GPC5: variants seen among roughly 807,000 people sequenced by gnomAD.
GPC5 encodes glypican 5, also known as glypican-5.
A neutral mutation model predicts 53.9 loss-of-function variants in GPC5; 47 were observed. That is an observed-to-expected ratio of 0.87 (90% confidence interval 0.69 to 1.11). GPC5 has a LOEUF of 1.11. Among genes scored for constraint, GPC5 ranks in the 50% most tolerant of loss-of-function variants. GPC5 has a pLI of 0.00. For missense variants in GPC5, 748 were observed against 713.1 expected (o/e 1.05, Z -0.56); for synonymous variants, 286 against 263.3 (o/e 1.09, Z -0.84).
At chr13:92,565,068 A>C (rs1164739748) in intron 7 of GPC5, among the ~76,000 whole-genome samples, 1 of 152,010 alleles carries the variant, frequency 6.6e-6, no homozygotes, top group Non-Finnish European at 1.5e-5. Context: ...GTAAAAATGC[A>C]CTCATTTCCC....
intron 7 of GPC5, among the ~76,000 whole-genome samples, chr13:92,246,973 T>C (rs2042655810): frequency 6.6e-6 from 1 of 152,152 alleles, no homozygotes; most frequent in African/African-American, 2.4e-5. Flanking sequence ...ATATTTCTCT[T>C]TCAATTTTTT....
chr13:92,016,032 T>C (rs1566395303), intron 6 of GPC5, among the ~76,000 whole-genome samples: 2 of 152,000 alleles, frequency 1.3e-5, no homozygotes, highest in South Asian at 4.2e-4. Flanking sequence ...TCTGAAGTTT[T>C]TATTCTGATA....
chr13:92,368,327 C>T (rs2043622274), intron 7 of GPC5, among the ~76,000 whole-genome samples: 1 of 151,468 alleles, frequency 6.6e-6, no homozygotes, highest in Admixed American at 6.6e-5. Flanking sequence ...GGCTATACTC[C>T]TAGCCTCAGA....
intron 1 of GPC5, among the ~76,000 whole-genome samples, chr13:91,422,418 C>A (rs530483326): frequency 6.6e-6 from 1 of 152,120 alleles, no homozygotes; most frequent in South Asian, 2.1e-4. Context: ...GGTGGATCAC[C>A]TGAGGTCAGG....
intron 4 of GPC5, among the ~76,000 whole-genome samples, chr13:91,731,388 G>A (rs1566644902): frequency 6.6e-6 from 1 of 152,218 alleles, no homozygotes; most frequent in East Asian, 1.9e-4. Flanking sequence ...TTTTGAAGTG[G>A]CCCTAATCTC....
At chr13:92,826,455 T>C (rs1877850373) in intron 7 of GPC5, among the ~76,000 whole-genome samples, 1 of 152,104 alleles carries the variant, frequency 6.6e-6, no homozygotes, top group African/African-American at 2.4e-5. Context: ...AATTGCTGCC[T>C]TGTGAGAAAC....
Position 92,387,498 on chromosome 13 carries a change from G to A in GPC5, c.1561+242509G>A, listed in dbSNP as rs546433542. 3.3e-5 allele frequency among the ~76,000 whole-genome samples: 5 copies of A among 152,208 alleles called. No individual in the cohort carries two copies. In the East Asian group the frequency reaches 7.7e-4, roughly 24 times the overall value. On this transcript the variant is annotated intron_variant, in intron 7 of 7. Transcript: ENST00000377067. ...GAGGCAGAAGAGTGCATACCAGGCT[G>A]TAAGTTGTACAGCCTCACAGAGTAG...
chr13:91,760,698 C>G lies in GPC5; in HGVS notation c.1280+4278C>G, dbSNP rs542760093. 2.0e-5 allele frequency among the ~76,000 whole-genome samples: 3 copies of G among 152,248 alleles called. No individual in the cohort carries two copies. The South Asian group carries it at 6.2e-4, about 32-fold the overall frequency. On this transcript the variant is annotated intron_variant, in intron 5 of 7. Coordinates refer to ENST00000377067, the MANE Select transcript of GPC5 (RefSeq NM_004466.6). Reference sequence around the variant, plus strand: ...ATTATTTGTGTGCACAGACATTCTTCAAAGACTAGGAGAGCCATACAGACT... The same window carrying G: ...ATTATTTGTGTGCACAGACATTCTTGAAAGACTAGGAGAGCCATACAGACT...
intron 7 of GPC5, among the ~76,000 whole-genome samples, chr13:92,594,226 T>C (rs575297079): frequency 6.6e-6 from 1 of 152,064 alleles, no homozygotes; most frequent in Non-Finnish European, 1.5e-5. Flanking sequence ...AAAACAGGGT[T>C]GATTGAAGGT....
At chr13:91,963,861 A>G (rs1308392431) in intron 6 of GPC5, among the ~76,000 whole-genome samples, 2 of 152,162 alleles carry the variant, frequency 1.3e-5, no homozygotes, top group African/African-American at 4.8e-5. Context: ...ATCATAGAAC[A>G]CTTTCTTCGT....
In GPC5 at chr13:92,466,090, A is replaced by G. The variant is rs151149891; in HGVS notation, c.1561+321101A>G. On this transcript the variant is annotated intron_variant, in intron 7 of 7. Transcript: ENST00000377067. ...AAAGGAATGATACAAATGTGAGGTGACAGATATGTTAATTAGCCTGATTTA... is the reference window on the plus strand; with the variant it reads ...AAAGGAATGATACAAATGTGAGGTGGCAGATATGTTAATTAGCCTGATTTA... Among the ~76,000 whole-genome samples, 36 of 152,196 alleles carry G rather than the reference A, an allele frequency of 2.4e-4. No individual in the cohort carries two copies. In the East Asian group the frequency reaches 6.6e-3, roughly 28 times the overall value.
At chr13:91,665,687 A>G (rs1340248231) in intron 2 of GPC5, among the ~76,000 whole-genome samples, 1 of 151,842 alleles carries the variant, frequency 6.6e-6, no homozygotes, top group Non-Finnish European at 1.5e-5. Flanking sequence ...TATTTTTTTT[A>G]GTAGAGATGG....
In GPC5 at chr13:91,676,227, C is replaced by G. The variant is rs530558023; in HGVS notation, c.326-16960C>G. Among the ~76,000 whole-genome samples the G allele has an allele frequency of 5.3e-5, 8 of 152,214 alleles. No individual in the cohort carries two copies. In the East Asian group the frequency reaches 1.4e-3, roughly 26 times the overall value. On this transcript the variant is annotated intron_variant, in intron 2 of 7. Transcript: ENST00000377067. ...CTGGGATTACAGGTGCCCGCCACCA[C>G]GCCTGACTAATTTTTGTATTTTTAG...
intron 6 of GPC5, among the ~76,000 whole-genome samples, chr13:91,975,167 C>A (rs1291582539): frequency 1.3e-5 from 2 of 152,046 alleles, no homozygotes; most frequent in Admixed American, 6.6e-5. Context: ...CATAAAAACC[C>A]TAGAAGAAAA....
intron 2 of GPC5, among the ~76,000 whole-genome samples, chr13:91,563,145 C>G (rs1432459107): frequency 6.6e-6 from 1 of 151,968 alleles, no homozygotes. Context: ...TGCTAAAAAT[C>G]GCAAGTAACA....
chr13:91,905,102 A>G (rs1709531507), intron 5 of GPC5, among the ~76,000 whole-genome samples: 1 of 152,134 alleles, frequency 6.6e-6, no homozygotes, highest in South Asian at 2.1e-4. Flanking sequence ...CAAACTCCAG[A>G]TAGAGTAAAG....
chr13:92,214,237 C>T (rs1364717912), intron 7 of GPC5, among the ~76,000 whole-genome samples: 2 of 152,042 alleles, frequency 1.3e-5, no homozygotes, highest in African/African-American at 4.8e-5. Context: ...AGGGCTTATT[C>T]AATATTTTTG....
At chr13:91,909,756 C>G (rs564212822) in intron 6 of GPC5, among the ~76,000 whole-genome samples, 1 of 151,964 alleles carries the variant, frequency 6.6e-6, no homozygotes, top group African/African-American at 2.4e-5. Context: ...ACATAGATAC[C>G]CAATATAAAA....
intron 7 of GPC5, among the ~76,000 whole-genome samples, chr13:92,811,076 T>G (rs1877281528): frequency 6.6e-6 from 1 of 151,958 alleles, no homozygotes; most frequent in African/African-American, 2.4e-5. Context: ...TTCTTATGGC[T>G]AAATAATATT....
Sources: allele counts gnomAD v4.1 joint callset (sites outside exome capture counted in the v4.1 genomes callset), GRCh38; gene constraint gnomAD v4.1.1; transcripts MANE v1.5; gene names NCBI Gene and HGNC (gene_info 2026-07-23, HGNC 2026-07-21).